The following GSG1L variants were observed in gnomAD, a reference collection of about 807,000 sequenced individuals.
GSG1L encodes GSG1 like.
In GSG1L, 24 loss-of-function variants were observed where a neutral mutation model predicts 42.1. That is an observed-to-expected ratio of 0.57 (90% CI 0.41 to 0.80). The LOEUF is 0.80. Ranked by LOEUF, GSG1L falls within the 30% of genes least tolerant of loss-of-function variation. The pLI is 0.00. For missense variants in GSG1L, 445 were observed against 472.2 expected, an observed-to-expected ratio of 0.94 and a Z score of 0.53; for synonymous variants, 215 against 203.5, an observed-to-expected ratio of 1.06 and a Z score of -0.48.
At chr16:27,964,759 G>C (rs1301618378) in intron 1 of GSG1L, among the ~76,000 whole-genome samples, 1 of 152,128 alleles carries the variant, frequency 6.6e-6, no homozygotes, top group African/African-American at 2.4e-5. Flanking sequence ...TAGAAGGATG[G>C]TTACCAGAGG....
rs183524487 is a variant in GSG1L, at chr16:27,904,656, A to T, written c.398-20018T>A. 1.0e-3 allele frequency among the ~76,000 whole-genome samples: 152 copies of T among 151,980 alleles called. 1 individual carries two copies. The highest frequency in any genetic ancestry group is 2.6e-3 in the African/African-American group (106 of 41,428). The stretch of plus-strand genomic sequence containing the variant: ...GGCCCCTGCCCACCTCTCCTGCCTT[A>T]TCTCCCTCCCCTTCCTTCCTGAGGC... On this transcript the variant is annotated intron_variant, in intron 2 of 6. Coordinates refer to ENST00000447459, the MANE Select transcript of GSG1L (RefSeq NM_001109763.2).
chr16:27,827,682 C>T (rs2083226211), intron 5 of GSG1L, among the ~76,000 whole-genome samples: 1 of 152,190 alleles, frequency 6.6e-6, no homozygotes, highest in South Asian at 2.1e-4. Context: ...AAGAAGGTGT[C>T]TGGGAGGAGT....
chr16:27,824,581 G>A (rs1011123705), intron 5 of GSG1L, among the ~76,000 whole-genome samples: 1 of 151,772 alleles, frequency 6.6e-6, no homozygotes, highest in Non-Finnish European at 1.5e-5. Context: ...AAATAGAACA[G>A]CCTGGCTAAG....
At position 27,868,594 on chromosome 16, in the gene GSG1L, T is replaced by TAAA. The variant is rs35102160; in HGVS notation, c.550+15889_550+15891dup. Among the ~76,000 whole-genome samples the TAAA allele has an allele frequency of 7.7e-3, 1,121 of 145,462 alleles. 12 individuals are homozygous for TAAA. Among genetic ancestry groups the TAAA allele is most frequent in the African/African-American group, 0.025 (1,007 of 39,748 alleles). On this transcript the variant is annotated intron_variant, in intron 3 of 6. Coordinates refer to ENST00000447459, the MANE Select transcript of GSG1L (RefSeq NM_001109763.2). Reference sequence around the variant, plus strand: ...AACCTGCAGATGTTGGCAAGAGCTGTAAAAAAAAAAAAAGATGATATTTTG... The same window carrying TAAA: ...AACCTGCAGATGTTGGCAAGAGCTGTAAAAAAAAAAAAAAAAGATGATATTTTG...
intron 1 of GSG1L, among the ~76,000 whole-genome samples, chr16:28,033,302 G>T (rs902077527): frequency 2.0e-5 from 3 of 152,164 alleles, no homozygotes; most frequent in East Asian, 1.9e-4. Flanking sequence ...ATCTACAACC[G>T]CCAGAGTAGA....
At position 27,946,641 on chromosome 16, in the gene GSG1L, A is replaced by C. The variant is rs868163953; in HGVS notation, c.397+16515T>G. 2.7e-4 allele frequency among the ~76,000 whole-genome samples: 5 copies of C among 18,630 alleles called. No homozygotes were observed. The East Asian group carries it at 7.4e-3, about 28-fold the overall frequency. 12.2% of individuals were successfully genotyped at this position (18,630 alleles called of 152,430 possible). A position where few individuals can be genotyped will look rare whatever the true frequency, so the allele number is the denominator to read the frequency against. ...AGAGAGAGAGAGAGAGAAAGAAAGA[A>C]AGAAAGAAAGAAAGAAAAGAAAGAA... On this transcript the variant is annotated intron_variant, in intron 2 of 6. Transcript: ENST00000447459.
chr16:27,994,536 T>C (rs144354459), intron 1 of GSG1L, among the ~76,000 whole-genome samples: 28 of 152,258 alleles, frequency 1.8e-4, no homozygotes, highest in African/African-American at 6.7e-4. Context: ...TGGCATTATT[T>C]TTCTTTTATG....
At chr16:27,831,386 T>C (rs2083272825) in intron 4 of GSG1L, among the ~76,000 whole-genome samples, 1 of 152,374 alleles carries the variant, frequency 6.6e-6, no homozygotes, top group Non-Finnish European at 1.5e-5. Context: ...GTTTTGGTCA[T>C]TGGGAACCAA....
intron 1 of GSG1L, among the ~76,000 whole-genome samples, chr16:28,004,540 C>T (rs1362365748): frequency 6.6e-6 from 1 of 150,762 alleles, no homozygotes; most frequent in Non-Finnish European, 1.5e-5. Context: ...TTTGGGAGGC[C>T]AAGGCAGGAG....
At chr16:27,991,189 G>A (rs901294045) in intron 1 of GSG1L, among the ~76,000 whole-genome samples, 7 of 152,142 alleles carry the variant, frequency 4.6e-5, no homozygotes, top group African/African-American at 7.2e-5. Flanking sequence ...AGTTGTTTCT[G>A]AGCTTTTATT....
intron 2 of GSG1L, among the ~76,000 whole-genome samples, chr16:27,903,133 A>G (rs2141044279): frequency 6.6e-6 from 1 of 152,224 alleles, no homozygotes; most frequent in South Asian, 2.1e-4. Flanking sequence ...GGAGTCCAGC[A>G]AGAAGAACGA....
chr16:27,984,983 C>T (rs1027530314), intron 1 of GSG1L, among the ~76,000 whole-genome samples: 2 of 152,132 alleles, frequency 1.3e-5, no homozygotes, highest in African/African-American at 4.8e-5. Context: ...GTCTCGAGCT[C>T]CTGGCCTCAA....
At chr16:27,824,638 C>A (rs1218151841) in intron 5 of GSG1L, among the ~76,000 whole-genome samples, 7 of 152,056 alleles carry the variant, frequency 4.6e-5, no homozygotes, top group Admixed American at 1.3e-4. Context: ...TTTGATGAAC[C>A]TCTGCATAAT....
At chr16:27,997,309 C>CATTT (rs2085526559) in intron 1 of GSG1L, among the ~76,000 whole-genome samples, 2 of 70,594 alleles carry the variant, frequency 2.8e-5, no homozygotes, top group East Asian at 6.5e-4. Flanking sequence ...GTGTTCTCCA[C>CATTT]TTTTTTTTTT....
chr16:27,998,518 G>C (rs2141141608), intron 1 of GSG1L: 1 of 152,432 alleles, frequency 6.6e-6, no homozygotes, highest in Non-Finnish European at 1.5e-5. Context: ...CCAGGCGCGG[G>C]AGCTCCCGCC....
chr16:27,874,230 G>T (rs1276953189), intron 3 of GSG1L, among the ~76,000 whole-genome samples: 1 of 152,074 alleles, frequency 6.6e-6, no homozygotes, highest in Non-Finnish European at 1.5e-5. Context: ...AGTGAGATGA[G>T]ATGATGACTC....
At chr16:27,998,494 A>G (rs1436993567) in intron 1 of GSG1L, 2 of 152,234 alleles carry the variant, frequency 1.3e-5, no homozygotes, top group Non-Finnish European at 2.9e-5. Flanking sequence ...CATCTCATCA[A>G]ACACAAGACC....
intron 5 of GSG1L, among the ~76,000 whole-genome samples, chr16:27,825,804 A>C (rs1035332206): frequency 1.3e-5 from 2 of 152,142 alleles, no homozygotes; most frequent in African/African-American, 4.8e-5. Context: ...TAATGGCTTT[A>C]TAAGGGGCTT....
intron 2 of GSG1L, among the ~76,000 whole-genome samples, chr16:27,945,282 T>C (rs1472464227): frequency 6.6e-6 from 1 of 152,024 alleles, no homozygotes; most frequent in Admixed American, 6.6e-5. Context: ...GGAAGTGAAT[T>C]ACATCTCAAA....
Sources: gnomAD v4.1 joint callset for allele counts (sites outside exome capture counted in the v4.1 genomes callset) on GRCh38, gnomAD v4.1.1 for gene constraint, MANE v1.5 for transcripts, NCBI Gene and HGNC (gene_info 2026-07-23, HGNC 2026-07-21) for gene names.